PALLD: variants seen among roughly 807,000 people sequenced by gnomAD.
PALLD encodes palladin.
PALLD carries 61 observed loss-of-function variants against 123.5 expected under a neutral mutation model. The ratio of observed to expected loss-of-function variants is 0.49; its 90% CI spans 0.40 to 0.61. The LOEUF (loss-of-function observed/expected upper bound fraction) is 0.61, where lower values mean the gene tolerates loss of function less well. Ranked by LOEUF, PALLD falls within the 20% of genes least tolerant of loss-of-function variation. The pLI, the probability that PALLD is intolerant of heterozygous loss-of-function variation, is 0.00. For synonymous variants in PALLD, 465 were observed against 496.4 expected (o/e 0.94, Z 0.84); for missense variants, 1,273 against 1,377.0 (o/e 0.92, Z 1.20).
rs78420207 is a variant in PALLD, at chr4:168,585,983, T to C, written c.908+73571T>C. On this transcript the variant is annotated intron_variant, in intron 2 of 21. Transcript: ENST00000505667. ...CCAAATACAGTCGTATTGTTTACTA[T>C]TATAGGTCTATTAAGGTTGCTGTTT... Among the ~76,000 whole-genome samples the C allele has an allele frequency of 3.9e-3, 601 of 152,192 alleles. 7 individuals are homozygous for C. Among genetic ancestry groups the C allele is most frequent in the African/African-American group, 0.014 (574 of 41,536 alleles).
chr4:168,913,818 G>T, intron 15 of PALLD, 109 bp from the exon 16 acceptor site: 1 of 823,668 alleles, frequency 1.2e-6, no homozygotes. Context: ...ATGGCATACT[G>T]AATTTTTTAT....
At chr4:168,591,558 G>A (rs772771110) in intron 2 of PALLD, among the ~76,000 whole-genome samples, 24 of 152,082 alleles carry the variant, frequency 1.6e-4, no homozygotes, top group East Asian at 9.6e-4. Context: ...TCTCATCACC[G>A]GTAAAAACGA....
chr4:168,717,557 G>A (rs1174747651), intron 10 of PALLD, among the ~76,000 whole-genome samples: 1 of 152,074 alleles, frequency 6.6e-6, no homozygotes, highest in South Asian at 2.1e-4. Context: ...CACCATATTG[G>A]CCAGGCTGGT....
rs116123910 is a variant in PALLD at position 168,535,792 on chromosome 4, A to G, written c.908+23380A>G. ...AAGGGAACTATAGCCACCTCTACAAATATCTGACCAAGAGTCCTCCTTTAT... is the reference window on the plus strand; with the variant it reads ...AAGGGAACTATAGCCACCTCTACAAGTATCTGACCAAGAGTCCTCCTTTAT... On this transcript the variant is annotated intron_variant, in intron 2 of 21. Transcript: ENST00000505667. Among the ~76,000 whole-genome samples, 280 of 152,290 alleles carry G rather than the reference A, an allele frequency of 1.8e-3. 1 individual carries two copies. The highest frequency in any genetic ancestry group is 6.4e-3 in the African/African-American group (265 of 41,548).
At chr4:168,725,441 CA>C (rs1786454656) in intron 10 of PALLD, among the ~76,000 whole-genome samples, 1 of 138,798 alleles carries the variant, frequency 7.2e-6, no homozygotes, top group African/African-American at 2.7e-5. Flanking sequence ...ATGTTTGAAA[CA>C]AAAAAACCCT....
At chr4:168,817,031 C>T (rs1254810375) in intron 10 of PALLD, among the ~76,000 whole-genome samples, 4 of 151,890 alleles carry the variant, frequency 2.6e-5, no homozygotes, top group Admixed American at 6.6e-5. Flanking sequence ...AAGGCAATTG[C>T]GGAGAGTAAA....
At chr4:168,779,794 G>A (rs1425547997) in intron 10 of PALLD, among the ~76,000 whole-genome samples, 4 of 151,872 alleles carry the variant, frequency 2.6e-5, no homozygotes, top group South Asian at 2.1e-4. Flanking sequence ...GAGTAGATTC[G>A]TTCCTCATTT....
chr4:168,504,057 T>G (rs1761729128), intron 1 of PALLD, among the ~76,000 whole-genome samples: 1 of 152,236 alleles, frequency 6.6e-6, no homozygotes, highest in African/African-American at 2.4e-5. Context: ...TACTCTTGTC[T>G]AATCCCTCCT....
intron 2 of PALLD, among the ~76,000 whole-genome samples, chr4:168,666,145 A>T (rs905807459): frequency 1.3e-5 from 2 of 152,218 alleles, no homozygotes; most frequent in African/African-American, 4.8e-5. Flanking sequence ...TCACTGAGTT[A>T]GAGGACAACA....
chr4:168,923,806 T>TCATGGCAAA (rs1328098010), intron 18 of PALLD, among the ~76,000 whole-genome samples: 1 of 152,186 alleles, frequency 6.6e-6, no homozygotes, highest in Admixed American at 6.5e-5. Flanking sequence ...TTCAGAATAT[T>TCATGGCAAA]CATGGCAAAC....
Position 168,826,724 on chromosome 4 carries a change from A to G in PALLD, c.1965-64198A>G, listed in dbSNP as rs572055700. 1.8e-3 allele frequency among the ~76,000 whole-genome samples: 268 copies of G among 152,332 alleles called. 1 individual carries two copies. The highest frequency in any genetic ancestry group is 2.5e-3 in the Non-Finnish European group (171 of 68,020). ...CAGCTCCCCACCTGCTACATACCAA[A>G]CAGTATGTTAGGTACTGCAATGGCA... is the stretch of plus-strand genomic sequence containing the variant. On this transcript the variant is annotated intron_variant, in intron 10 of 21. Transcript: ENST00000505667.
chr4:168,704,682 AAAAAT>A (rs1179335297), intron 8 of PALLD, among the ~76,000 whole-genome samples: 4,274 of 149,012 alleles, frequency 0.029, 228 homozygotes, highest in African/African-American at 0.1. Flanking sequence ...AAAAAAAAAA[AAAAAT>A]GTGTATGTTG....
chr4:168,745,997 C>T (rs902516021), intron 10 of PALLD, among the ~76,000 whole-genome samples: 1 of 152,160 alleles, frequency 6.6e-6, no homozygotes, highest in African/African-American at 2.4e-5. Context: ...AGTTTTGCTA[C>T]ATCAGACTAC....
intron 2 of PALLD, among the ~76,000 whole-genome samples, chr4:168,641,032 C>T (rs1025165828): frequency 6.6e-6 from 1 of 152,032 alleles, no homozygotes; most frequent in Admixed American, 6.6e-5. Context: ...CACAGTGAAA[C>T]CCCGTCTCTA....
At chr4:168,794,494 G>GCACGCA (rs1738154599) in intron 10 of PALLD, among the ~76,000 whole-genome samples, 1 of 135,762 alleles carries the variant, frequency 7.4e-6, no homozygotes, top group Non-Finnish European at 1.6e-5. Context: ...ACACATGCAC[G>GCACGCA]CACACACACA....
rs192110126 is a variant in PALLD at position 168,783,507 on chromosome 4, A to G, written c.1964+71584A>G. On this transcript the variant is annotated intron_variant, in intron 10 of 21. Coordinates refer to ENST00000505667, the MANE Select transcript of PALLD (RefSeq NM_001166108.2). ...TGATGAGACCAGGAGGAGCATGAACAAAGATTATACAATCAGAGAAAACGA... is the reference window on the plus strand; with the variant it reads ...TGATGAGACCAGGAGGAGCATGAACGAAGATTATACAATCAGAGAAAACGA... Among the ~76,000 whole-genome samples, 394 of 152,274 alleles carry G rather than the reference A, an allele frequency of 2.6e-3. 1 individual carries two copies. Among genetic ancestry groups the G allele is most frequent in the Non-Finnish European group, 4.2e-3 (286 of 68,026 alleles).
intron 2 of PALLD, among the ~76,000 whole-genome samples, chr4:168,617,806 A>T (rs1428625876): frequency 1.3e-5 from 2 of 152,216 alleles, no homozygotes; most frequent in Non-Finnish European, 2.9e-5. Context: ...ATAAATGGCA[A>T]ATATTATGAT....
At position 168,917,051 on chromosome 4, in the gene PALLD, T is replaced by G. The variant is rs796795483; in HGVS notation, c.2850+1024T>G. Reference sequence around the variant, plus strand: ...GCAGGGCTTTTTGTTTTTTTGGGGTTTTTTTTTTTTTTTTTGAGACGGAGT... The same window carrying G: ...GCAGGGCTTTTTGTTTTTTTGGGGTGTTTTTTTTTTTTTTTGAGACGGAGT... On this transcript the variant is annotated intron_variant, in intron 17 of 21. Transcript: ENST00000505667. Among the ~76,000 whole-genome samples the G allele has an allele frequency of 6.2e-3, 894 of 143,234 alleles. 21 individuals carry two copies. Among genetic ancestry groups the G allele is most frequent in the East Asian group, 0.038 (191 of 5,026 alleles). The allele number at this position is 143,234 out of a possible 152,430, so 94.0% of individuals were successfully genotyped here.
intron 10 of PALLD, among the ~76,000 whole-genome samples, chr4:168,870,294 T>C (rs1486555212): frequency 6.6e-6 from 1 of 152,210 alleles, no homozygotes; most frequent in Non-Finnish European, 1.5e-5. Flanking sequence ...ACCTAAAAGC[T>C]ATTTTTGTCT....
Sources: gnomAD v4.1 joint callset for allele counts (sites outside exome capture counted in the v4.1 genomes callset) on GRCh38, gnomAD v4.1.1 for gene constraint, MANE v1.5 for transcripts, NCBI Gene and HGNC (gene_info 2026-07-23, HGNC 2026-07-21) for gene names.